GSAP: variants seen among roughly 807,000 people sequenced by gnomAD.
GSAP encodes gamma-secretase activating protein.
GSAP carries 118 observed loss-of-function variants against 131.7 expected under a neutral mutation model. The ratio of observed to expected loss-of-function variants is 0.90; its 90% confidence interval spans 0.77 to 1.04. The LOEUF is 1.04. GSAP is among the 50% of genes least tolerant of loss of function. The pLI, the probability that GSAP is intolerant of heterozygous loss-of-function variation, is 0.00. For synonymous variants in GSAP, 381 were observed against 363.4 expected (o/e 1.05, Z -0.55); for missense variants, 1,019 against 1,013.2 (o/e 1.01, Z -0.08).
At chr7:77,351,553 G>A in intron 18 of GSAP, 1 of 985,604 alleles carries the variant, frequency 1.0e-6, no homozygotes. Flanking sequence ...ACCACAAGAA[G>A]TTTAAAGCAA....
chr7:77,374,891 T>C (rs1445919562), intron 11 of GSAP, among the ~76,000 whole-genome samples, 167 bp downstream of exon 11: 1 of 152,324 alleles, frequency 6.6e-6, no homozygotes, highest in South Asian at 2.1e-4. Context: ...CCTGGGTTCA[T>C]GTTTGATAAA....
intron 24 of GSAP, among the ~76,000 whole-genome samples, chr7:77,322,627 G>A (rs1481500662): frequency 6.7e-6 from 1 of 150,024 alleles, no homozygotes; most frequent in Non-Finnish European, 1.5e-5. Context: ...TGTCAACATG[G>A]GGAGGATCAG....
chr7:77,321,431 A>G, intron 24 of GSAP, 28 bp from the exon 25 acceptor site: 8 of 1,454,060 alleles, frequency 5.5e-6, no homozygotes, highest in Non-Finnish European at 7.7e-6. Context: ...TCCATTAACC[A>G]TTGCTCCATT....
chr7:77,416,534 G>C (rs1804503116), upstream of GSAP: 5 of 398,620 alleles, frequency 1.3e-5, no homozygotes, highest in South Asian at 3.2e-4. Flanking sequence ...GCCGGAGCCG[G>C]GCACGGCGGG....
At position 77,314,362 on chromosome 7, in the gene GSAP, C is replaced by A. The variant is rs765100269; in HGVS notation, c.2209+8G>T. ...AACTAGCACTCTGGCAAACTCAGGG[C>A]TTCTTACCTTTCATGAGCCTTATGA... On this transcript the variant is annotated splice_region_variant and intron_variant, in intron 27 of 30. Coordinates refer to ENST00000257626, the MANE Select transcript of GSAP (RefSeq NM_017439.4). 6.2e-7 allele frequency: 1 copy of A among 1,613,390 alleles called. No homozygotes were observed. Among genetic ancestry groups the A allele is most frequent in the East Asian group, 2.2e-5 (1 of 44,862 alleles).
At chr7:77,411,390 T>C (rs1275548550) in intron 1 of GSAP, among the ~76,000 whole-genome samples, 2 of 152,220 alleles carry the variant, frequency 1.3e-5, no homozygotes, top group African/African-American at 4.8e-5. Context: ...TCTTATTTTC[T>C]TGAAGATGTG....
At chr7:77,312,293 T>C (rs1265290323) in intron 28 of GSAP, 91 bp from the exon 29 acceptor site, 6 of 643,456 alleles carry the variant, frequency 9.3e-6, no homozygotes, top group Non-Finnish European at 1.6e-5. Context: ...AAAAGTATTA[T>C]TCCAAAGTAG....
chr7:77,389,230 G>A (rs1799036829), intron 5 of GSAP, among the ~76,000 whole-genome samples: 2 of 151,804 alleles, frequency 1.3e-5, no homozygotes, highest in South Asian at 4.1e-4. Flanking sequence ...GTATGCGTGT[G>A]TGTATGTATG....
chr7:77,397,926 A>C (rs1022213469), intron 3 of GSAP, among the ~76,000 whole-genome samples: 8 of 152,200 alleles, frequency 5.3e-5, no homozygotes, highest in African/African-American at 1.9e-4. Flanking sequence ...CACTGTCACA[A>C]GTGCATCTCC....
intron 6 of GSAP, among the ~76,000 whole-genome samples, chr7:77,386,540 C>G (rs1385000105): frequency 6.6e-6 from 1 of 152,174 alleles, no homozygotes; most frequent in Non-Finnish European, 1.5e-5. Context: ...ACTCCTTAAC[C>G]TCATGGCCAA....
At chr7:77,386,996 C>T (rs1250028161) in intron 6 of GSAP, among the ~76,000 whole-genome samples, 2 of 152,206 alleles carry the variant, frequency 1.3e-5, no homozygotes, top group East Asian at 1.9e-4. Context: ...GCAGTTTCTG[C>T]ATCAACTCAT....
Position 77,311,188 on chromosome 7 carries a change from G to C in GSAP, c.*170C>G. 2 of 567,956 alleles carry C rather than the reference G, an allele frequency of 3.5e-6. No homozygotes were observed. Among genetic ancestry groups the C allele is most frequent in the African/African-American group, 1.9e-5 (1 of 53,448 alleles). 35.2% of individuals were successfully genotyped at this position (567,956 alleles called of 1,614,324 possible). The stretch of plus-strand genomic sequence containing the variant: ...CACTGGCTATTCAAAATTGGAATGT[G>C]ATACAGCAGTTCTGTCTGAACGTGT... On this transcript the variant is annotated 3_prime_UTR_variant, in exon 31 of 31. Coordinates refer to ENST00000257626, the MANE Select transcript of GSAP (RefSeq NM_017439.4).
chr7:77,416,137 A>G, intron 1 of GSAP, 76 bp downstream of exon 1: 1 of 845,002 alleles, frequency 1.2e-6, no homozygotes. Context: ...GTTGCTCCCC[A>G]CCGGGTCGGA....
At chr7:77,346,278 A>G (rs1406586960) in intron 19 of GSAP, among the ~76,000 whole-genome samples, 3 of 150,294 alleles carry the variant, frequency 2.0e-5, no homozygotes, top group African/African-American at 2.4e-5. Flanking sequence ...CTCAAAAAAA[A>G]AAAAAAAAAA....
At chr7:77,387,520 A>C (rs1321812003) in intron 5 of GSAP, 72 bp from the exon 6 acceptor site, 6 of 825,534 alleles carry the variant, frequency 7.3e-6, no homozygotes, top group Non-Finnish European at 1.3e-5. Flanking sequence ...AGCAAGGAGT[A>C]AGAACAATTT....
intron 18 of GSAP, among the ~76,000 whole-genome samples, chr7:77,349,743 C>T (rs975061172): frequency 1.3e-5 from 2 of 152,094 alleles, no homozygotes; most frequent in South Asian, 4.1e-4. Context: ...CCAAATGTAA[C>T]GATAAAGGGG....
At chr7:77,358,593 T>C (rs911255097) in intron 14 of GSAP, among the ~76,000 whole-genome samples, 2 of 152,232 alleles carry the variant, frequency 1.3e-5, no homozygotes, top group African/African-American at 4.8e-5. Context: ...ACTGAAGTTT[T>C]ATATTTTTAA....
At chr7:77,320,665 G>A in intron 26 of GSAP, 60 bp downstream of exon 26, 1 of 946,386 alleles carries the variant, frequency 1.1e-6, no homozygotes, top group South Asian at 1.3e-5. Context: ...CCAAAGGCAA[G>A]GGCCCATATG....
At chr7:77,406,525 A>C (rs1193995421) in intron 1 of GSAP, among the ~76,000 whole-genome samples, 1 of 152,250 alleles carries the variant, frequency 6.6e-6, no homozygotes, top group Admixed American at 6.5e-5. Flanking sequence ...TAGATTAACC[A>C]CTGTTAGGCT....
Sources: gnomAD v4.1 joint callset for allele counts (sites outside exome capture counted in the v4.1 genomes callset) on GRCh38, gnomAD v4.1.1 for gene constraint, MANE v1.5 for transcripts, NCBI Gene and HGNC (gene_info 2026-07-23, HGNC 2026-07-21) for gene names.